The following USPL1 variants were observed in gnomAD, a reference collection of about 807,000 sequenced individuals.
USPL1 encodes ubiquitin specific peptidase like 1, also known as SUMO-specific isopeptidase USPL1.
In USPL1, 27 loss-of-function variants were observed where a neutral mutation model predicts 51.5. The observed-to-expected ratio is 0.52, with a 90% CI of 0.39 to 0.72. The LOEUF (loss-of-function observed/expected upper bound fraction) is 0.72, where lower values mean the gene tolerates loss of function less well. Among genes scored for constraint, USPL1 ranks in the 30% least tolerant of loss-of-function variants. The probability of loss-of-function intolerance (pLI) is 0.00; values close to 1 mark genes in which losing one functional copy is unlikely to be tolerated. For synonymous variants in USPL1, 451 were observed against 459.6 expected, an observed-to-expected ratio of 0.98 and a Z score of 0.24; for missense variants, 1,226 against 1,268.0, an observed-to-expected ratio of 0.97 and a Z score of 0.50.
chr13:30,646,092 A>G lies in USPL1; in HGVS notation c.1113-840A>G, dbSNP rs193025733. Among the ~76,000 whole-genome samples the G allele has an allele frequency of 4.4e-3, 671 of 152,338 alleles. 4 individuals are homozygous for G. Among genetic ancestry groups the G allele is most frequent in the African/African-American group, 0.014 (601 of 41,584 alleles). On this transcript the variant is annotated intron_variant, in intron 6 of 8. Transcript: ENST00000255304. ...AAAATGTTAACCTCCCTGACTACTG[A>G]TGTTTTTAACAGACAGTGCTTCCTC...
At chr13:30,647,125 A>G in intron 7 of USPL1, 68 bp downstream of exon 7, 1 of 1,490,150 alleles carries the variant, frequency 6.7e-7, no homozygotes, top group Non-Finnish European at 9.2e-7. Context: ...CTTAATGTGT[A>G]GGATTGAAAA....
intron 3 of USPL1, among the ~76,000 whole-genome samples, chr13:30,624,382 A>G (rs1189343724): frequency 6.6e-6 from 1 of 152,174 alleles, no homozygotes; most frequent in African/African-American, 2.4e-5. Context: ...TGGGAGGCTG[A>G]GGCAGGAGGA....
intron 4 of USPL1, among the ~76,000 whole-genome samples, chr13:30,632,611 A>T (rs929773897): frequency 1.3e-4 from 19 of 151,810 alleles, no homozygotes; most frequent in African/African-American, 4.1e-4. Flanking sequence ...ACAGGGTTTC[A>T]CCATGTTGGT....
Position 30,637,784 on chromosome 13 carries a change from G to A in USPL1, c.909G>A (p.Glu303=). 1 of 1,613,500 alleles carries A rather than the reference G, an allele frequency of 6.2e-7. No individual in the cohort carries two copies. The change falls in exon 5 of 9, where the codon GAG becomes GAA. Residue 303 remains glutamate (E), a synonymous_variant. Coordinates refer to ENST00000255304, the MANE Select transcript of USPL1 (RefSeq NM_005800.5). ...AACTTACCTCAGAAATATTTGCAGA[G>A]ATAGAGACCTGTCTGAATGAAGTTA... is the stretch of plus-strand genomic sequence containing the variant. The part of the protein sequence containing the change: ...CKKLTSEIFA[E]IETCLNEVRD...
chr13:30,636,705 C>T (rs984584986), intron 4 of USPL1, among the ~76,000 whole-genome samples: 1 of 152,038 alleles, frequency 6.6e-6, no homozygotes, highest in African/African-American at 2.4e-5. Flanking sequence ...AAAAAAGAAA[C>T]AACTAAAATG....
chr13:30,650,727 G>T (rs1446744089), intron 7 of USPL1, among the ~76,000 whole-genome samples: 1 of 152,114 alleles, frequency 6.6e-6, no homozygotes, highest in East Asian at 1.9e-4. Flanking sequence ...GGGCATAGTG[G>T]CTCATGCCTG....
At chr13:30,650,574 CAA>C (rs34074092) in intron 7 of USPL1, among the ~76,000 whole-genome samples, 21,161 of 123,198 alleles carry the variant, frequency 0.17, 3,048 homozygotes, top group African/African-American at 0.42. Flanking sequence ...GAGACTGTCT[CAA>C]AAAAAAAAAA....
intron 2 of USPL1, 45 bp downstream of exon 2, chr13:30,621,284 TC>T: frequency 2.8e-6 from 4 of 1,409,040 alleles, no homozygotes; most frequent in South Asian, 1.3e-5. Context: ...TTTTTTTTTT[TC>T]TCTATTTTTG....
At chr13:30,647,318 T>A (rs1951031204) in intron 7 of USPL1, among the ~76,000 whole-genome samples, 1 of 152,130 alleles carries the variant, frequency 6.6e-6, no homozygotes, top group East Asian at 1.9e-4. Context: ...TTTCTCCCTT[T>A]AAGGATATCA....
Position 30,659,037 on chromosome 13 carries a change from A to G in USPL1, c.2960A>G (p.Glu987Gly), listed in dbSNP as rs974819858. ...ACACCTGTTTCAACAGAGCTGTCAGAAAATGGGGAAGGTGACTTTAGGTAT... is the reference window on the plus strand; with the variant it reads ...ACACCTGTTTCAACAGAGCTGTCAGGAAATGGGGAAGGTGACTTTAGGTAT... ...SPTPVSTELS[E>G]NGEGDFRYLG... The change falls in exon 9 of 9, where the codon GAA becomes GGA. Residue 987 changes from glutamate (E) to glycine (G), a missense_variant. Glu to Gly is a moderately conservative substitution (Grantham distance 98, BLOSUM62 -2). Coordinates refer to ENST00000255304, the MANE Select transcript of USPL1 (RefSeq NM_005800.5). 2.5e-6 allele frequency: 4 copies of G among 1,614,124 alleles called. No individual in the cohort carries two copies. The highest frequency in any genetic ancestry group is 1.7e-5 in the Admixed American group (1 of 60,014).
Position 30,657,983 on chromosome 13 carries a change from G to A in USPL1, c.1906G>A (p.Val636Ile). 2.5e-6 allele frequency: 4 copies of A among 1,613,550 alleles called. No individual in the cohort carries two copies. In the South Asian group the frequency reaches 4.4e-5, roughly 18 times the overall value. Reference protein sequence around the residue: ...LSQESLMASSVSAPCNEKLIQ... With the variant: ...LSQESLMASSISAPCNEKLIQ... ...ACAAGAATCACTAATGGCTTCTTCAGTATCAGCTCCATGTAATGAAAAGCT... is the reference window on the plus strand; with the variant it reads ...ACAAGAATCACTAATGGCTTCTTCAATATCAGCTCCATGTAATGAAAAGCT... The change falls in exon 9 of 9, where the codon GTA (valine) becomes ATA (isoleucine). Residue 636 changes from valine (V) to isoleucine (I), a missense_variant. Coordinates refer to ENST00000255304, the MANE Select transcript of USPL1 (RefSeq NM_005800.5).
intron 1 of USPL1, among the ~76,000 whole-genome samples, chr13:30,620,242 G>C (rs543001908): frequency 6.6e-6 from 1 of 152,236 alleles, no homozygotes; most frequent in East Asian, 1.9e-4. Context: ...TCTTGGATTT[G>C]GGAAAGACTT....
intron 7 of USPL1, among the ~76,000 whole-genome samples, chr13:30,648,997 G>T (rs1300107709): frequency 6.6e-6 from 1 of 152,156 alleles, no homozygotes; most frequent in African/African-American, 2.4e-5. Flanking sequence ...ACTGAACATA[G>T]ACTCGTACCA....
At chr13:30,643,179 A>C (rs1269221018) in intron 6 of USPL1, among the ~76,000 whole-genome samples, 2 of 152,178 alleles carry the variant, frequency 1.3e-5, no homozygotes, top group African/African-American at 4.8e-5. Flanking sequence ...GTGAAAGACC[A>C]GCCACCTCCA....
intron 8 of USPL1, 52 bp from the exon 9 acceptor site, chr13:30,657,422 C>G: frequency 6.6e-7 from 1 of 1,519,086 alleles, no homozygotes; most frequent in Non-Finnish European, 8.8e-7. Context: ...GAAAGTTAAC[C>G]TAGGATGGTG....
At chr13:30,620,466 T>G (rs1162993718) in intron 1 of USPL1, among the ~76,000 whole-genome samples, 1 of 152,220 alleles carries the variant, frequency 6.6e-6, no homozygotes, top group African/African-American at 2.4e-5. Flanking sequence ...TTGCCACATA[T>G]GTAATTTGTA....
At chr13:30,630,643 T>A (rs1334392252) in intron 3 of USPL1, among the ~76,000 whole-genome samples, 192 bp from the exon 4 acceptor site, 1 of 152,146 alleles carries the variant, frequency 6.6e-6, no homozygotes, top group Non-Finnish European at 1.5e-5. Flanking sequence ...CTGAAAAAAA[T>A]TATTCTTTTG....
Position 30,659,448 on chromosome 13 carries a change from T to TA in USPL1, c.*94dup. On this transcript the variant is annotated 3_prime_UTR_variant, in exon 9 of 9. Transcript: ENST00000255304. ...GTAGTGTTTATACACTGGACTTGTGTAATTACTTGTGTAATAACCATGAAC... is the reference window on the plus strand; with the variant it reads ...GTAGTGTTTATACACTGGACTTGTGTAAATTACTTGTGTAATAACCATGAAC... 8.7e-7 allele frequency: 1 copy of TA among 1,143,970 alleles called. No homozygotes were observed. Among genetic ancestry groups the TA allele is most frequent in the South Asian group, 1.8e-5 (1 of 54,530 alleles). The allele number at this position is 1,143,970 out of a possible 1,614,324, so 70.9% of individuals were successfully genotyped here. A position where few individuals can be genotyped will look rare whatever the true frequency, so the allele number is the denominator to read the frequency against.
Position 30,658,134 on chromosome 13 carries a change from G to A in USPL1, c.2057G>A (p.Gly686Asp), listed in dbSNP as rs367767087. The change falls in exon 9 of 9, where the codon GGT becomes GAT. Residue 686 changes from glycine (G) to aspartate (D), a missense_variant. Gly to Asp is a moderately conservative substitution (Grantham distance 94). Transcript: ENST00000255304. ...TCTGTGAATAATACTGATGCTACTGGTCTTATACAGGGAGTGAAGTCAGTA... is the reference window on the plus strand; with the variant it reads ...TCTGTGAATAATACTGATGCTACTGATCTTATACAGGGAGTGAAGTCAGTA... ...TKSVNNTDATGLIQGVKSVEI... is the reference protein window; with the variant it reads ...TKSVNNTDATDLIQGVKSVEI... 5 of 1,613,568 alleles carry A rather than the reference G, an allele frequency of 3.1e-6. No homozygotes were observed. Among genetic ancestry groups the A allele is most frequent in the Non-Finnish European group, 4.2e-6 (5 of 1,180,028 alleles).
Sources: gnomAD v4.1 joint callset for allele counts (sites outside exome capture counted in the v4.1 genomes callset) on GRCh38, gnomAD v4.1.1 for gene constraint, MANE v1.5 for transcripts, NCBI Gene and HGNC (gene_info 2026-07-23, HGNC 2026-07-21) for gene names.